MDN1: variants seen among roughly 807,000 people sequenced by gnomAD.
MDN1 encodes midasin AAA ATPase 1, also known as midasin.
A neutral mutation model predicts 669.2 loss-of-function variants in MDN1; 266 were observed. The ratio of observed to expected loss-of-function variants is 0.40; its 90% CI spans 0.36 to 0.44. The LOEUF is 0.44. Among genes scored for constraint, MDN1 ranks in the 20% least tolerant of loss-of-function variants. MDN1 has a pLI of 1.00. For missense variants in MDN1, 5,940 were observed against 6,754.0 expected (o/e 0.88, Z 4.22); for synonymous variants, 2,385 against 2,457.1 (o/e 0.97, Z 0.87).
intron 88 of MDN1, among the ~76,000 whole-genome samples, chr6:89,660,926 C>G (rs1318510549): frequency 6.6e-6 from 1 of 152,180 alleles, no homozygotes; most frequent in African/African-American, 2.4e-5. Flanking sequence ...AAAGGATTCA[C>G]TAGGGTTGAA....
In MDN1 at chr6:89,806,403, AAAAT is replaced by A. The variant is rs2128330097; in HGVS notation, c.103-2853_103-2850del. 3.3e-5 allele frequency among the ~76,000 whole-genome samples: 5 copies of A among 152,270 alleles called. 1 individual carries two copies. Among genetic ancestry groups the A allele is most frequent in the African/African-American group, 1.2e-4 (5 of 41,562 alleles). The stretch of plus-strand genomic sequence containing the variant: ...TGTGGTAAGATGCCATCTCTTCAAA[AAAAT>A]AAAAATAAATTAAAAATTAGCTGGT... On this transcript the variant is annotated intron_variant, in intron 1 of 101. Transcript: ENST00000369393.
At chr6:89,764,538 AAGT>A (rs1371489276) in intron 15 of MDN1, among the ~76,000 whole-genome samples, 3 of 152,198 alleles carry the variant, frequency 2.0e-5, no homozygotes, top group Admixed American at 1.3e-4. Flanking sequence ...TCAGGAGGTC[AAGT>A]AGTAGCTTAA....
At position 89,700,173 on chromosome 6, in the gene MDN1, G is replaced by C; in HGVS notation, c.8760C>G (p.Ser2920=). The C allele has an allele frequency of 6.2e-7, 1 of 1,614,168 alleles. No individual in the cohort carries two copies. Among genetic ancestry groups the C allele is most frequent in the Non-Finnish European group, 8.5e-7 (1 of 1,180,020 alleles). Residue 2920 remains serine (S), a synonymous_variant, in exon 57 of 102, where the codon TCC becomes TCG. Coordinates refer to ENST00000369393, the MANE Select transcript of MDN1 (RefSeq NM_014611.3). Reference sequence around the variant, plus strand: ...GAACACTCCTGGTGAGGTGGATTACGGAGGTCAAGTCTGGATGGGACAGGG... The same window carrying C: ...GAACACTCCTGGTGAGGTGGATTACCGAGGTCAAGTCTGGATGGGACAGGG... ...ASSLSHPDLT[S]VIHLTRSVQL...
At chr6:89,663,037 TGGACCC>T (rs2128301569) in intron 85 of MDN1, 70 bp from the exon 86 acceptor site, 1 of 1,560,858 alleles carries the variant, frequency 6.4e-7, no homozygotes, top group Non-Finnish European at 8.8e-7. Context: ...AAGAGAGGTG[TGGACCC>T]GCTTCCCTAG....
chr6:89,690,194 TA>T, intron 64 of MDN1, 51 bp from the exon 65 acceptor site: 9 of 1,560,312 alleles, frequency 5.8e-6, no homozygotes, highest in African/African-American at 2.7e-5. Flanking sequence ...AATCTACTTC[TA>T]ATCAGACTAA....
chr6:89,699,295 C>CA (rs1812978584), intron 58 of MDN1, among the ~76,000 whole-genome samples: 1 of 151,822 alleles, frequency 6.6e-6, no homozygotes, highest in Non-Finnish European at 1.5e-5. Context: ...AGGAAAAGTA[C>CA]AAAAAAGTAT....
At chr6:89,816,215 C>G (rs1245824316) in intron 1 of MDN1, among the ~76,000 whole-genome samples, 1 of 152,078 alleles carries the variant, frequency 6.6e-6, no homozygotes, top group Non-Finnish European at 1.5e-5. Flanking sequence ...GCCTGGCTAA[C>G]ATGGTGAAAC....
intron 35 of MDN1, among the ~76,000 whole-genome samples, chr6:89,730,144 T>A (rs1273481660): frequency 6.6e-6 from 1 of 152,146 alleles, no homozygotes; most frequent in East Asian, 1.9e-4. Flanking sequence ...GTAGAGACAA[T>A]CTAGTTAGAT....
At chr6:89,713,085 T>G (rs747417521) in intron 47 of MDN1, 63 bp downstream of exon 47, 6 of 1,541,636 alleles carry the variant, frequency 3.9e-6, no homozygotes, top group Non-Finnish European at 5.3e-6. Flanking sequence ...TAAAAATAAT[T>G]TCCTCGTACT....
At chr6:89,734,712 A>AGAGAGAGG (rs1815837207) in intron 33 of MDN1, among the ~76,000 whole-genome samples, 1 of 148,772 alleles carries the variant, frequency 6.7e-6, no homozygotes, top group East Asian at 2.0e-4. Context: ...AGAGAGAGAG[A>AGAGAGAGG]GAGAACTCCC....
chr6:89,747,226 G>T, intron 27 of MDN1, 103 bp downstream of exon 27: 1 of 1,334,746 alleles, frequency 7.5e-7, no homozygotes, highest in Non-Finnish European at 1.0e-6. Flanking sequence ...GGAATACCTA[G>T]TCAAATGTAT....
intron 13 of MDN1, among the ~76,000 whole-genome samples, chr6:89,773,269 T>C (rs1584349510): frequency 6.6e-6 from 1 of 151,906 alleles, no homozygotes; most frequent in Non-Finnish European, 1.5e-5. Context: ...AGGCAGAGCA[T>C]GGTGGCACAA....
At chr6:89,725,128 A>G in intron 38 of MDN1, 71 bp downstream of exon 38, 3 of 1,396,304 alleles carry the variant, frequency 2.1e-6, no homozygotes, top group Non-Finnish European at 1.0e-6. Flanking sequence ...GAATATCCTT[A>G]AAGGCTTCAT....
At chr6:89,762,227 ATT>A (rs951270844) in intron 16 of MDN1, 90 bp downstream of exon 16, 1 of 1,087,258 alleles carries the variant, frequency 9.2e-7, no homozygotes, top group African/African-American at 1.6e-5. Flanking sequence ...GAAAGCTCCA[ATT>A]TGTATCGCTT....
rs778407152 is a variant in MDN1, at chr6:89,662,886, T to A, written c.14318A>T (p.Lys4773Ile). Reference sequence around the variant, plus strand: ...ATCACCCCAAAGCCTCTCATCTAGTTTGTCAGCTTCCTCACCATTGAGATC... The same window carrying A: ...ATCACCCCAAAGCCTCTCATCTAGTATGTCAGCTTCCTCACCATTGAGATC... ...MGDLNGEEAD[K>I]LDERLWGDDD... The change falls in exon 86 of 102, where the codon AAA becomes ATA. Residue 4773 changes from lysine to isoleucine, a missense_variant. Physicochemically the swap from Lys to Ile is moderately radical, Grantham distance 102. This residue lies in a region of MDN1 where 2,280 missense variants were observed against 2,576.3 expected (regional missense o/e 0.88). Coordinates refer to ENST00000369393, the MANE Select transcript of MDN1 (RefSeq NM_014611.3). 1 of 1,614,062 alleles carries A rather than the reference T, an allele frequency of 6.2e-7. No individual in the cohort carries two copies. The highest frequency in any genetic ancestry group is 8.5e-7 in the Non-Finnish European group (1 of 1,180,022).
Position 89,685,957 on chromosome 6 carries a change from G to A in MDN1, c.11589C>T (p.Thr3863=), listed in dbSNP as rs769958938. The A allele has an allele frequency of 6.2e-7, 1 of 1,610,998 alleles. No individual in the cohort carries two copies. Among genetic ancestry groups the A allele is most frequent in the Non-Finnish European group, 8.5e-7 (1 of 1,179,262 alleles). The change falls in exon 70 of 102, where the codon ACC becomes ACT. Residue 3863 remains threonine, a synonymous_variant. Coordinates refer to ENST00000369393, the MANE Select transcript of MDN1 (RefSeq NM_014611.3). ...GTAATGTGCTGACCAGCAACATCAAGGTCATCTGTTTGTCATCTTTAAAAA... is the reference window on the plus strand; with the variant it reads ...GTAATGTGCTGACCAGCAACATCAAAGTCATCTGTTTGTCATCTTTAAAAA... ...TEEQEDDKQM[T]LMLLVSTLQA...
chr6:89,712,875 C>T (rs1814047979), intron 47 of MDN1, 89 bp from the exon 48 acceptor site: 10 of 1,165,788 alleles, frequency 8.6e-6, no homozygotes, highest in Non-Finnish European at 1.1e-5. Flanking sequence ...TCCATGCGAC[C>T]ACCTCACAAC....
chr6:89,741,357 G>A (rs778833879), intron 31 of MDN1, among the ~76,000 whole-genome samples: 21 of 152,038 alleles, frequency 1.4e-4, no homozygotes, highest in Non-Finnish European at 2.8e-4. Context: ...ACAAAAACCT[G>A]TCCTAACTGA....
intron 33 of MDN1, among the ~76,000 whole-genome samples, chr6:89,735,614 T>C (rs927466830): frequency 6.6e-6 from 1 of 152,172 alleles, no homozygotes; most frequent in African/African-American, 2.4e-5. Context: ...CTAAAAATAC[T>C]AGAGAAATTA....
Sources: gnomAD v4.1 joint callset for allele counts (sites outside exome capture counted in the v4.1 genomes callset) on GRCh38, gnomAD v4.1.1 for gene constraint, gnomAD v4.1.1 regional missense constraint, MANE v1.5 for transcripts, NCBI Gene and HGNC (gene_info 2026-07-23, HGNC 2026-07-21) for gene names.